Variants in SRRM4 observed in about 807,000 individuals in gnomAD.
SRRM4 encodes serine/arginine repetitive matrix 4, also known as serine/arginine repetitive matrix protein 4.
Under a neutral mutation model 68.9 loss-of-function variants are expected in SRRM4, and 33 were observed. The ratio of observed to expected loss-of-function variants is 0.48; its 90% confidence interval spans 0.36 to 0.64. The LOEUF is 0.64. SRRM4 is among the 30% of genes least tolerant of loss of function. The probability of loss-of-function intolerance (pLI) is 0.00; values close to 1 mark genes in which losing one functional copy is unlikely to be tolerated. For missense variants in SRRM4, 817 were observed against 827.1 expected (o/e 0.99, Z 0.15); for synonymous variants, 318 against 318.8 (o/e 1.00, Z 0.03).
chr12:119,081,303 A>C (rs1953946242), intron 1 of SRRM4, among the ~76,000 whole-genome samples: 1 of 152,238 alleles, frequency 6.6e-6, no homozygotes, highest in Non-Finnish European at 1.5e-5. Context: ...ACGTTTGTAT[A>C]GGCTTGTCAG....
intron 1 of SRRM4, among the ~76,000 whole-genome samples, chr12:119,083,421 C>T (rs117310762): frequency 1.4e-3 from 214 of 152,206 alleles, no homozygotes; most frequent in Middle Eastern, 3.4e-3. Flanking sequence ...GAGCAGCCTT[C>T]AACTAATGAC....
intron 6 of SRRM4, 62 bp downstream of exon 6, chr12:119,122,182 A>C: frequency 8.4e-7 from 1 of 1,193,778 alleles, no homozygotes; most frequent in Non-Finnish European, 1.3e-6. Context: ...CTGGCTTCTT[A>C]AAAGCCAGAG....
intron 1 of SRRM4, among the ~76,000 whole-genome samples, chr12:119,013,928 TC>T (rs5801309): frequency 0.28 from 42,250 of 151,958 alleles, 6,135 homozygotes; most frequent in Non-Finnish European, 0.31. Context: ...CATGCTACCC[TC>T]CCCTTCTTCC....
At chr12:119,057,050 A>G (rs774873819) in intron 1 of SRRM4, among the ~76,000 whole-genome samples, 1 of 152,240 alleles carries the variant, frequency 6.6e-6, no homozygotes, top group Non-Finnish European at 1.5e-5. Flanking sequence ...GGCACAGAAT[A>G]TCCAGGGATT....
chr12:119,075,431 ATGATGATGGTGATGATGATGG>A (rs1343360362), intron 1 of SRRM4, among the ~76,000 whole-genome samples: 7 of 71,702 alleles, frequency 9.8e-5, no homozygotes, highest in African/African-American at 3.9e-4. Context: ...GACAGTAATG[ATGATGATGGTGATGATGATGG>A]TGATGATGGT....
In SRRM4 at chr12:119,130,763, C is replaced by A; in HGVS notation, c.700C>A (p.Pro234Thr). The A allele has an allele frequency of 6.2e-7, 1 of 1,610,662 alleles. No individual in the cohort carries two copies. The highest frequency in any genetic ancestry group is 8.5e-7 in the Non-Finnish European group (1 of 1,179,832). Residue 234 changes from proline to threonine, a missense_variant, in exon 8 of 13, where the codon CCT (proline) becomes ACT (threonine). By Grantham distance (38) the Pro-to-Thr change is conservative. Transcript: ENST00000267260. ...CTCCAAGACCCTCTGCAAGGACAGC[C>A]CTGAGGCCCAGTCCAGTCGCCCGCC... ...RCSKTLCKDS[P>T]EAQSSRPPSQ... is the part of the protein sequence containing the mutation.
At chr12:119,031,840 C>T (rs549982211) in intron 1 of SRRM4, among the ~76,000 whole-genome samples, 3 of 151,428 alleles carry the variant, frequency 2.0e-5, no homozygotes, top group Non-Finnish European at 4.4e-5. Flanking sequence ...TTTTATTAAC[C>T]ATTTGTCTTT....
At chr12:119,077,094 T>G (rs1312180707) in intron 1 of SRRM4, among the ~76,000 whole-genome samples, 3 of 152,044 alleles carry the variant, frequency 2.0e-5, no homozygotes, top group Non-Finnish European at 4.4e-5. Flanking sequence ...ATTTTCTCCC[T>G]TCAGTATGCT....
chr12:119,142,971 T>C (rs1954375322), intron 8 of SRRM4, among the ~76,000 whole-genome samples: 2 of 152,208 alleles, frequency 1.3e-5, no homozygotes, highest in Non-Finnish European at 2.9e-5. Context: ...GTTTTAAAAG[T>C]CTCACTCTAG....
intron 4 of SRRM4, 39 bp from the exon 5 acceptor site, chr12:119,120,211 T>A: frequency 6.8e-7 from 1 of 1,461,064 alleles, no homozygotes; most frequent in African/African-American, 1.4e-5. Context: ...TTTTTTTCTT[T>A]GATTCTTCTT....
intron 8 of SRRM4, among the ~76,000 whole-genome samples, chr12:119,143,424 T>TTA (rs1237917444): frequency 6.6e-6 from 1 of 152,202 alleles, no homozygotes; most frequent in Non-Finnish European, 1.5e-5. Context: ...TGTCTAAATG[T>TTA]TTATAAATAA....
intron 1 of SRRM4, among the ~76,000 whole-genome samples, chr12:119,023,245 C>A (rs533125944): frequency 9.9e-5 from 15 of 152,122 alleles, no homozygotes; most frequent in Non-Finnish European, 1.6e-4. Context: ...AATGGTGTGT[C>A]TCAGTGACAA....
intron 1 of SRRM4, among the ~76,000 whole-genome samples, chr12:119,056,658 C>A (rs1400659221): frequency 6.6e-6 from 1 of 152,168 alleles, no homozygotes; most frequent in Non-Finnish European, 1.5e-5. Flanking sequence ...GGCCTTTGCA[C>A]ATGCTGTTCT....
chr12:119,039,157 C>T (rs1186264082), intron 1 of SRRM4, among the ~76,000 whole-genome samples: 1 of 152,184 alleles, frequency 6.6e-6, no homozygotes, highest in Non-Finnish European at 1.5e-5. Context: ...AACTGGGGCA[C>T]CAACACCCCA....
chr12:119,019,200 T>C (rs1021800999), intron 1 of SRRM4, among the ~76,000 whole-genome samples: 2 of 152,204 alleles, frequency 1.3e-5, no homozygotes, highest in African/African-American at 4.8e-5. Flanking sequence ...CAAATTCTAA[T>C]TCAAATGCTC....
At chr12:119,098,854 G>A (rs1954060379) in intron 1 of SRRM4, among the ~76,000 whole-genome samples, 1 of 152,106 alleles carries the variant, frequency 6.6e-6, no homozygotes, top group African/African-American at 2.4e-5. Flanking sequence ...AAATTTCTTA[G>A]AATCAGACCA....
At chr12:119,083,895 C>G (rs1229952667) in intron 1 of SRRM4, among the ~76,000 whole-genome samples, 1 of 152,166 alleles carries the variant, frequency 6.6e-6, no homozygotes, top group Non-Finnish European at 1.5e-5. Context: ...TGCAGAGACA[C>G]AGGGAGAAGG....
At chr12:119,019,214 G>A (rs1477681564) in intron 1 of SRRM4, among the ~76,000 whole-genome samples, 1 of 152,102 alleles carries the variant, frequency 6.6e-6, no homozygotes, top group Non-Finnish European at 1.5e-5. Context: ...AATGCTCTGG[G>A]GGCCAGCTAC....
intron 2 of SRRM4, among the ~76,000 whole-genome samples, chr12:119,105,550 T>C (rs540590386): frequency 2.6e-4 from 40 of 152,342 alleles, no homozygotes; most frequent in African/African-American, 9.6e-4. Flanking sequence ...TAGTTTTGAT[T>C]TGCATTTCTC....
Sources: gnomAD v4.1 joint callset for allele counts (sites outside exome capture counted in the v4.1 genomes callset) on GRCh38, gnomAD v4.1.1 for gene constraint, MANE v1.5 for transcripts, NCBI Gene and HGNC (gene_info 2026-07-23, HGNC 2026-07-21) for gene names.